Variants in IL1RAPL2 observed in about 807,000 individuals in gnomAD.
IL1RAPL2 encodes the protein interleukin 1 receptor accessory protein like 2, also known as X-linked interleukin-1 receptor accessory protein-like 2.
IL1RAPL2 carries 3 observed loss-of-function variants against 44.1 expected under a neutral mutation model. The ratio of observed to expected loss-of-function variants is 0.07; its 90% confidence interval spans 0.03 to 0.18. IL1RAPL2 has a LOEUF of 0.18. Among genes scored for constraint, IL1RAPL2 ranks in the 10% least tolerant of loss-of-function variants. The pLI, the probability that IL1RAPL2 is intolerant of heterozygous loss-of-function variation, is 1.00. For synonymous variants in IL1RAPL2, 181 were observed against 178.8 expected (o/e 1.01, Z -0.10); for missense variants, 391 against 496.4 (o/e 0.79, Z 2.02).
At chrX:105,428,895 T>G (rs1457846319) in intron 5 of IL1RAPL2, among the ~76,000 whole-genome samples, 1 of 111,093 alleles carries the variant, frequency 9.0e-6, no homozygotes. Context: ...ATGCTTGTAT[T>G]TTTTTCCCCT....
Position 105,562,512 on chromosome X carries a change from A to AC in IL1RAPL2, c.772+78125_772+78126insC, listed in dbSNP as rs2036945660. Among the ~76,000 whole-genome samples the AC allele has an allele frequency of 1.1e-4, 10 of 91,599 alleles. No homozygotes were observed. In the East Asian group the frequency reaches 2.8e-3, roughly 26 times the overall value. The allele number at this position is 91,599 out of a possible 115,157, so 79.5% of individuals were successfully genotyped here. On this transcript the variant is annotated intron_variant, in intron 6 of 10. Transcript: ENST00000372582. Reference sequence around the variant, plus strand: ...TACAATTATTTGTGAATTGAAAATAAACACACACACACACACACACACACA... The same window carrying AC: ...TACAATTATTTGTGAATTGAAAATAACACACACACACACACACACACACACA...
At chrX:105,042,085 A>G (rs1485868436) in intron 2 of IL1RAPL2, among the ~76,000 whole-genome samples, 2 of 111,592 alleles carry the variant, frequency 1.8e-5, no homozygotes, top group African/African-American at 6.5e-5. Flanking sequence ...TTCAAGATGG[A>G]TTAAAGACTT....
At chrX:104,599,907 C>T (rs1275038619) in intron 1 of IL1RAPL2, among the ~76,000 whole-genome samples, 1 of 110,617 alleles carries the variant, frequency 9.0e-6, no homozygotes, top group African/African-American at 3.3e-5. Context: ...GTTGACAAGT[C>T]TCAGGTGTAT....
intron 2 of IL1RAPL2, among the ~76,000 whole-genome samples, chrX:105,110,185 CACA>C (rs1203592330): frequency 2.7e-5 from 3 of 112,208 alleles, no homozygotes; most frequent in African/African-American, 9.7e-5. Context: ...AGTAGCCCTT[CACA>C]ACTTCCGTTT....
intron 10 of IL1RAPL2, among the ~76,000 whole-genome samples, chrX:105,762,467 T>C (rs1006908040): frequency 1.8e-5 from 2 of 112,333 alleles, no homozygotes; most frequent in Non-Finnish European, 3.8e-5. Flanking sequence ...GAAAAAGTTT[T>C]ATTTCATTTG....
chrX:105,050,333 A>G (rs2031902124), intron 2 of IL1RAPL2, among the ~76,000 whole-genome samples: 1 of 112,148 alleles, frequency 8.9e-6, no homozygotes, highest in South Asian at 3.7e-4. Context: ...GGTAGTTGCT[A>G]TAAGATGATG....
intron 2 of IL1RAPL2, among the ~76,000 whole-genome samples, chrX:104,818,123 G>T (rs993370834): frequency 1.8e-5 from 2 of 109,817 alleles, no homozygotes; most frequent in Non-Finnish European, 3.8e-5. Context: ...TTGGGAGGCC[G>T]AGGCGGGAGG....
intron 6 of IL1RAPL2, among the ~76,000 whole-genome samples, chrX:105,591,819 A>C (rs768883684): frequency 9.0e-6 from 1 of 110,957 alleles, no homozygotes; most frequent in Non-Finnish European, 1.9e-5. Context: ...ATTTGCTGAG[A>C]ATTTTTTATG....
chrX:104,795,413 C>T (rs1476399612), intron 2 of IL1RAPL2, among the ~76,000 whole-genome samples: 1 of 89,209 alleles, frequency 1.1e-5, no homozygotes, highest in African/African-American at 3.6e-5. Context: ...ATCCCTCTCT[C>T]CCTTCCTTTT....
At chrX:105,252,326 CTAAT>C (rs1406150327) in intron 4 of IL1RAPL2, among the ~76,000 whole-genome samples, 1 of 111,738 alleles carries the variant, frequency 8.9e-6, no homozygotes, top group Non-Finnish European at 1.9e-5. Context: ...TAACCATTCA[CTAAT>C]TGATGACCAT....
chrX:104,728,516 T>C, intron 2 of IL1RAPL2, among the ~76,000 whole-genome samples: 1 of 111,587 alleles, frequency 9.0e-6, no homozygotes, highest in African/African-American at 3.2e-5. Flanking sequence ...GACCTTACAT[T>C]TGGAAATATG....
chrX:105,211,363 T>C (rs1484491146), intron 3 of IL1RAPL2, among the ~76,000 whole-genome samples: 1 of 111,548 alleles, frequency 9.0e-6, no homozygotes, highest in Non-Finnish European at 1.9e-5. Context: ...CGCCTGGAGC[T>C]GGTGCTGGCA....
chrX:104,942,625 T>G (rs1483756852), intron 2 of IL1RAPL2, among the ~76,000 whole-genome samples: 5 of 111,662 alleles, frequency 4.5e-5, no homozygotes, highest in African/African-American at 1.6e-4. Flanking sequence ...AAATATACAA[T>G]CATGTCGTCT....
chrX:105,154,265 T>G (rs1314087606), intron 2 of IL1RAPL2, among the ~76,000 whole-genome samples: 2 of 111,612 alleles, frequency 1.8e-5, no homozygotes, highest in Non-Finnish European at 3.8e-5. Context: ...TTTTTCAGGT[T>G]TCTTTGGGAT....
chrX:104,585,336 T>TTATATTA (rs1928520951), intron 1 of IL1RAPL2, among the ~76,000 whole-genome samples: 2 of 17,650 alleles, frequency 1.1e-4, no homozygotes, highest in Non-Finnish European at 1.6e-4. Context: ...ATAATATATA[T>TTATATTA]TATATATTAT....
intron 2 of IL1RAPL2, among the ~76,000 whole-genome samples, chrX:105,145,507 G>C (rs769827906): frequency 5.4e-5 from 6 of 111,461 alleles, no homozygotes; most frequent in Non-Finnish European, 9.4e-5. Context: ...GCATTAGCAG[G>C]GGTCTAACTT....
intron 2 of IL1RAPL2, among the ~76,000 whole-genome samples, chrX:104,913,311 T>C (rs1431789836): frequency 9.0e-6 from 1 of 111,666 alleles, no homozygotes; most frequent in Non-Finnish European, 1.9e-5. Context: ...AACACAGTGT[T>C]CAAGTACCCT....
At chrX:105,286,498 A>G (rs2034572549) in intron 5 of IL1RAPL2, among the ~76,000 whole-genome samples, 1 of 109,967 alleles carries the variant, frequency 9.1e-6, no homozygotes, top group Non-Finnish European at 1.9e-5. Context: ...GATGCTTTAT[A>G]CTACTACTAT....
At chrX:105,108,698 T>C (rs111824997) in intron 2 of IL1RAPL2, among the ~76,000 whole-genome samples, 9,504 of 110,314 alleles carry the variant, frequency 0.086, 1,031 homozygotes, top group African/African-American at 0.3. Context: ...TCTCTTAATC[T>C]TCTCTGCCAC....
Sources: gnomAD v4.1 joint callset for allele counts (sites outside exome capture counted in the v4.1 genomes callset) on GRCh38, gnomAD v4.1.1 for gene constraint, MANE v1.5 for transcripts, NCBI Gene and HGNC (gene_info 2026-07-23, HGNC 2026-07-21) for gene names.